DMPK: variants seen among roughly 807,000 people sequenced by gnomAD.
DMPK encodes DM1 protein kinase.
In DMPK, 32 loss-of-function variants were observed where a neutral mutation model predicts 70.3. That is an observed-to-expected ratio of 0.46 (90% confidence interval 0.34 to 0.61). DMPK has a LOEUF of 0.61. Among genes scored for constraint, DMPK ranks in the 20% least tolerant of loss-of-function variants. The pLI, the probability that DMPK is intolerant of heterozygous loss-of-function variation, is 0.01. For missense variants in DMPK, 899 were observed against 886.0 expected, an observed-to-expected ratio of 1.01 and a Z score of -0.19; for synonymous variants, 469 against 390.9, an observed-to-expected ratio of 1.20 and a Z score of -2.36.
chr19:45,771,740 T>TCCCGGCCCCGGC (rs372053831), intron 11 of DMPK, 31 bp downstream of exon 11: 5 of 1,597,548 alleles, frequency 3.1e-6, no homozygotes, highest in East Asian at 2.3e-5. Context: ...CCGGCCCGCA[T>TCCCGGCCCCGGC]CCCGGCCCCG....
At chr19:45,781,729 G>C (rs1036882316) in intron 1 of DMPK, among the ~76,000 whole-genome samples, 3 of 152,178 alleles carry the variant, frequency 2.0e-5, no homozygotes, top group Admixed American at 2.0e-4. Context: ...GGCTGGCGCC[G>C]AACACCTGCC....
rs774925987 is a variant in DMPK, at chr19:45,771,940, GA to G, written c.1345-13del. 6.3e-7 allele frequency: 1 copy of G among 1,580,560 alleles called. No homozygotes were observed. Among genetic ancestry groups the G allele is most frequent in the South Asian group, 1.2e-5 (1 of 86,338 alleles). On this transcript the variant is annotated splice_polypyrimidine_tract_variant and intron_variant, in intron 10 of 14. Coordinates refer to ENST00000291270, the MANE Select transcript of DMPK (RefSeq NM_004409.5). ...ACTGCCACTTCAGCCTGTGTATGGG[GA>G]CCAGGCTTAAGGCTGCCTGTGGCTC...
intron 4 of DMPK, 69 bp downstream of exon 4, chr19:45,779,195 C>T (rs745396904): frequency 1.3e-6 from 2 of 1,512,666 alleles, no homozygotes; most frequent in Non-Finnish European, 1.8e-6. Flanking sequence ...GCTTCCTCTC[C>T]CCACCTCCTC....
rs926401850 is a variant in DMPK at position 45,781,383 on chromosome 19, CA to C, written c.160+809del. 7.6e-4 allele frequency among the ~76,000 whole-genome samples: 116 copies of C among 152,288 alleles called. 1 individual carries two copies. The highest frequency in any genetic ancestry group is 2.7e-3 in the African/African-American group (114 of 41,566). On this transcript the variant is annotated intron_variant, in intron 1 of 14. Transcript: ENST00000291270. ...AGCATCCTCCTTCCAGCCCTGGCCC[CA>C]GGCCCTGGAAAGCCCTTGCAAGAAG... is the stretch of plus-strand genomic sequence containing the variant.
chr19:45,770,686 G>A (rs914546953), intron 14 of DMPK, 46 bp from the exon 15 acceptor site: 3 of 1,539,170 alleles, frequency 1.9e-6, no homozygotes, highest in Non-Finnish European at 2.6e-6. Flanking sequence ...GCCTCTGATT[G>A]GCTCCTGGGA....
Position 45,771,850 on chromosome 19 carries a change from G to C in DMPK, c.1423C>G (p.Leu475Val), listed in dbSNP as rs188834458. Residue 475 changes from leucine to valine, a missense_variant, in exon 11 of 15, where the codon CTG becomes GTG. Leu to Val is a conservative substitution (Grantham distance 32). Transcript: ENST00000291270. ...TGCCGGGTGAGCACCTCCTCCTCCA[G>C]GGCTTCCTGGAGCTCCCGCAGCGTC... ...EVTLRELQEA[L>V]EEEVLTRQSL... 1 of 1,577,984 alleles carries C rather than the reference G, an allele frequency of 6.3e-7. No individual in the cohort carries two copies. Among genetic ancestry groups the C allele is most frequent in the Non-Finnish European group, 8.6e-7 (1 of 1,162,254 alleles).
chr19:45,781,307 G>A (rs1326608875), intron 1 of DMPK, among the ~76,000 whole-genome samples: 1 of 152,206 alleles, frequency 6.6e-6, no homozygotes, highest in Admixed American at 6.5e-5. Context: ...GTGAGCCCGA[G>A]TCCTGGGCTT....
At chr19:45,775,256 C>A in intron 8 of DMPK, 1 of 471,384 alleles carries the variant, frequency 2.1e-6, no homozygotes, top group East Asian at 4.2e-5. Flanking sequence ...CAACCTCCGC[C>A]TCCCAGGTTC....
At position 45,779,834 on chromosome 19, in the gene DMPK, G is replaced by T. The variant is rs1970016772; in HGVS notation, c.196C>A (p.Leu66Met). ...AGAATCTCGAAGTCGTCCCTCTGCA[G>T]TCGGACCTCCTTAAGCCTCACCACG... Reference protein sequence around the residue: ...PIVVRLKEVRLQRDDFEILKV... With the variant: ...PIVVRLKEVRMQRDDFEILKV... The change falls in exon 2 of 15, where the codon CTG (leucine) becomes ATG (methionine). Residue 66 changes from leucine (L) to methionine (M), a missense_variant. By Grantham distance (15) the Leu-to-Met change is conservative. Transcript: ENST00000291270. The T allele has an allele frequency of 6.3e-7, 1 of 1,599,618 alleles. No individual in the cohort carries two copies. The highest frequency in any genetic ancestry group is 8.5e-7 in the Non-Finnish European group (1 of 1,171,670).
rs1278704224 is a variant in DMPK at position 45,779,711 on chromosome 19, G to A, written c.252+67C>T. ...GCTCGGTCATTCATCAATTTCTAAG[G>A]CCCCGCCCCAACCCCTATGCCCCGC... is the stretch of plus-strand genomic sequence containing the variant. On this transcript the variant is annotated intron_variant, in intron 2 of 14. Coordinates refer to ENST00000291270, the MANE Select transcript of DMPK (RefSeq NM_004409.5). 5 of 1,530,888 alleles carry A rather than the reference G, an allele frequency of 3.3e-6. No individual in the cohort carries two copies. The Admixed American group carries it at 8.1e-5, about 25-fold the overall frequency. The allele number at this position is 1,530,888 out of a possible 1,614,324, so 94.8% of individuals were successfully genotyped here.
At chr19:45,773,800 C>G (rs919636328) in intron 9 of DMPK, among the ~76,000 whole-genome samples, 1 of 152,108 alleles carries the variant, frequency 6.6e-6, no homozygotes, top group African/African-American at 2.4e-5. Context: ...ACCACCATGC[C>G]TGGCACGATT....
chr19:45,770,287 T>C lies in DMPK; in HGVS notation c.*201A>G. 3 of 755,824 alleles carry C rather than the reference T, an allele frequency of 4.0e-6. No homozygotes were observed. Among genetic ancestry groups the C allele is most frequent in the Non-Finnish European group, 6.4e-6 (3 of 471,006 alleles). The allele number at this position is 755,824 out of a possible 1,614,324, so 46.8% of individuals were successfully genotyped here. A position where few individuals can be genotyped will look rare whatever the true frequency, so the allele number is the denominator to read the frequency against. ...CAGCATTCCCGGCTACAAGGACCCT[T>C]CGAGCCCCGTTCGCCGGCCGCGGAC... On this transcript the variant is annotated 3_prime_UTR_variant, in exon 15 of 15. Transcript: ENST00000291270.
chr19:45,780,725 A>G (rs754616373), intron 1 of DMPK: 111 of 626,980 alleles, frequency 1.8e-4, no homozygotes, highest in Non-Finnish European at 2.1e-4. Context: ...TCTGGAGGAA[A>G]GAGAGGGGTT....
Position 45,782,443 on chromosome 19 carries a change from G to A in DMPK, c.-91C>T. ...TGGCAGCCCCTGTCCAGGCCCTGGA[G>A]CCCTGGCTGCATGTCTGCCTGTCCC... is the stretch of plus-strand genomic sequence containing the variant. On this transcript the variant is annotated 5_prime_UTR_variant, in exon 1 of 15. Transcript: ENST00000291270. 1 of 1,373,404 alleles carries A rather than the reference G, an allele frequency of 7.3e-7. No homozygotes were observed. Among genetic ancestry groups the A allele is most frequent in the Non-Finnish European group, 9.6e-7 (1 of 1,045,140 alleles). The allele number at this position is 1,373,404 out of a possible 1,614,324, so 85.1% of individuals were successfully genotyped here.
rs1568585550 is a variant in DMPK at position 45,779,810 on chromosome 19, G to T, written c.220C>A (p.Leu74Met). The T allele has an allele frequency of 3.2e-6, 5 of 1,580,644 alleles. No homozygotes were observed. The highest frequency in any genetic ancestry group is 1.7e-4 in the Middle Eastern group (1 of 5,898). Residue 74 changes from leucine (L) to methionine (M), a missense_variant, in exon 2 of 15, where the codon CTG becomes ATG. This residue lies in a region of DMPK where 149 missense variants were observed against 142.5 expected (regional missense o/e 1.05). Transcript: ENST00000291270. Reference sequence around the variant, plus strand: ...AACGCCCCGCGTCCGATCACCTTCAGAATCTCGAAGTCGTCCCTCTGCAGT... The same window carrying T: ...AACGCCCCGCGTCCGATCACCTTCATAATCTCGAAGTCGTCCCTCTGCAGT... ...VRLQRDDFEI[L>M]KVIGRGAFSE...
At position 45,779,521 on chromosome 19, in the gene DMPK, A is replaced by G. The variant is rs1220362800; in HGVS notation, c.254T>C (p.Val85Ala). 1 of 1,613,528 alleles carries G rather than the reference A, an allele frequency of 6.2e-7. No homozygotes were observed. Among genetic ancestry groups the G allele is most frequent in the Non-Finnish European group, 8.5e-7 (1 of 1,179,974 alleles). The change falls in exon 3 of 15, where the codon GTA (valine) becomes GCA (alanine). Residue 85 changes from valine to alanine, a missense_variant and splice_region_variant. Val to Ala is a moderately conservative substitution (Grantham distance 64). Transcript: ENST00000291270. ...KVIGRGAFSE[V>A]AVVKMKQTGQ... ...CGTCTGCTTCATCTTCACTACCGCT[A>G]CCTGAGGTCGAGATAGTGAGACAGA... is the stretch of plus-strand genomic sequence containing the variant.
In DMPK at chr19:45,779,518, G is replaced by A. The variant is rs780187592; in HGVS notation, c.257C>T (p.Ala86Val). ...GCCCGTCTGCTTCATCTTCACTACC[G>A]CTACCTGAGGTCGAGATAGTGAGAC... ...VIGRGAFSEV[A>V]VVKMKQTGQV... The change falls in exon 3 of 15, where the codon GCG becomes GTG. Residue 86 changes from alanine to valine, a missense_variant. Ala to Val is a moderately conservative substitution (Grantham distance 64). Coordinates refer to ENST00000291270, the MANE Select transcript of DMPK (RefSeq NM_004409.5). 6 of 1,613,532 alleles carry A rather than the reference G, an allele frequency of 3.7e-6. No individual in the cohort carries two copies. Among genetic ancestry groups the A allele is most frequent in the South Asian group, 1.1e-5 (1 of 91,070 alleles).
chr19:45,773,193 C>A (rs570267997), intron 9 of DMPK, among the ~76,000 whole-genome samples: 163 of 152,294 alleles, frequency 1.1e-3, no homozygotes, highest in African/African-American at 3.7e-3. Context: ...GAGGTCAGCA[C>A]ACCCCACTCA....
chr19:45,782,159 C>T (rs756892589), intron 1 of DMPK, 34 bp downstream of exon 1: 2 of 1,345,446 alleles, frequency 1.5e-6, no homozygotes, highest in East Asian at 2.7e-5. Context: ...CCACCCCCAC[C>T]CCATCTGCAG....
Sources: allele counts gnomAD v4.1 joint callset (sites outside exome capture counted in the v4.1 genomes callset), GRCh38; gene constraint gnomAD v4.1.1; regional missense constraint gnomAD v4.1.1; transcripts MANE v1.5; gene names NCBI Gene and HGNC (gene_info 2026-07-23, HGNC 2026-07-21).